The following PLXND1 variants were observed in gnomAD, a reference collection of about 807,000 sequenced individuals.
PLXND1 encodes plexin-D1.
In PLXND1, 54 loss-of-function variants were observed where a neutral mutation model predicts 197.7. That is an observed-to-expected ratio of 0.27 (90% CI 0.22 to 0.34). The LOEUF is 0.34. Among genes scored for constraint, PLXND1 ranks in the 10% least tolerant of loss-of-function variants. The pLI is 1.00. For missense variants in PLXND1, 2,127 were observed against 2,699.2 expected (o/e 0.79, Z 4.70); for synonymous variants, 1,180 against 1,161.2 (o/e 1.02, Z -0.33).
Position 129,561,905 on chromosome 3 carries a change from TGGG to T in PLXND1, c.4826-5_4826-3del. On this transcript the variant is annotated splice_region_variant and splice_polypyrimidine_tract_variant and intron_variant, in intron 27 of 35. Coordinates refer to ENST00000324093, the MANE Select transcript of PLXND1 (RefSeq NM_015103.3). ...TCTGTGTGCTGGAGGCGAACCACTC[TGGG>T]GGACAAGGGACAGGCCATCAGGGTC... 1.9e-6 allele frequency: 3 copies of T among 1,610,164 alleles called. No homozygotes were observed. The highest frequency in any genetic ancestry group is 2.5e-6 in the Non-Finnish European group (3 of 1,176,656).
rs1286676564 is a variant in PLXND1 at position 129,605,361 on chromosome 3, C to T, written c.1279G>A (p.Gly427Arg). 4.7e-6 allele frequency: 7 copies of T among 1,486,022 alleles called. No individual in the cohort carries two copies. The highest frequency in any genetic ancestry group is 2.9e-5 in the African/African-American group (2 of 68,350). 92.1% of individuals were successfully genotyped at this position (1,486,022 alleles called of 1,614,324 possible). The change falls in exon 1 of 36, where the codon GGA becomes AGA. Residue 427 changes from glycine (G) to arginine (R), a missense_variant. Transcript: ENST00000324093. The part of the protein sequence containing the change: ...AVLDSVVQGT[G>R]PACERKLNIQ... ...TTGAGCTTGCGCTCACAGGCCGGTC[C>T]CGTGCCCTGCACCACGCTGTCGAGC...
rs752314139 is a variant in PLXND1 at position 129,569,859 on chromosome 3, C to T, written c.3849G>A (p.Leu1283=). ...GCTCCTTACCCACCACGGAGAGCAGCAGCAGGACGCTGCAGATGACGATGG... is the reference window on the plus strand; with the variant it reads ...GCTCCTTACCCACCACGGAGAGCAGTAGCAGGACGCTGCAGATGACGATGG... ...IVSIVICSVL[L]LLSVVALFVF... The change falls in exon 20 of 36, where the codon CTG becomes CTA. Residue 1283 remains leucine, a synonymous_variant. Transcript: ENST00000324093. 1.1e-5 allele frequency: 18 copies of T among 1,603,574 alleles called. No individual in the cohort carries two copies. In the East Asian group the frequency reaches 3.8e-4, roughly 34 times the overall value.
Position 129,565,365 on chromosome 3 carries a change from G to T in PLXND1, c.4496C>A (p.Ser1499Tyr). Residue 1499 changes from serine (S) to tyrosine (Y), a missense_variant, in exon 25 of 36, where the codon TCC becomes TAC. Physicochemically the swap from Ser to Tyr is moderately radical, Grantham distance 144 (BLOSUM62 -2). Transcript: ENST00000324093. ...VVEKMLTNWM[S>Y]ICMYSCLRET... The stretch of plus-strand genomic sequence containing the variant: ...CCGCAGACAGCTGTACATGCAGATG[G>T]ACATCCAGTTGGTGAGCATCTTCTC... The T allele has an allele frequency of 6.2e-7, 1 of 1,613,886 alleles. No homozygotes were observed. The highest frequency in any genetic ancestry group is 1.1e-5 in the South Asian group (1 of 91,076).
chr3:129,605,394 C>T lies in PLXND1; in HGVS notation c.1246G>A (p.Val416Met). 6.7e-7 allele frequency: 1 copy of T among 1,501,032 alleles called. No individual in the cohort carries two copies. The highest frequency in any genetic ancestry group is 8.8e-7 in the Non-Finnish European group (1 of 1,132,950). 93.0% of individuals were successfully genotyped at this position (1,501,032 alleles called of 1,614,324 possible). A position where few individuals can be genotyped will look rare whatever the true frequency, so the allele number is the denominator to read the frequency against. The change falls in exon 1 of 36, where the codon GTG (valine) becomes ATG (methionine). Residue 416 changes from valine to methionine, a missense_variant. Val to Met is a conservative substitution (Grantham distance 21, BLOSUM62 1). Transcript: ENST00000324093. The stretch of plus-strand genomic sequence containing the variant: ...TGCACCACGCTGTCGAGCACCGCCA[C>T]CACGTCGGGCGCCGGTTCCACGAAG... ...ACFVEPAPDV[V>M]AVLDSVVQGT...
intron 5 of PLXND1, among the ~76,000 whole-genome samples, chr3:129,584,846 G>T (rs2085437486): frequency 6.6e-6 from 1 of 152,284 alleles, no homozygotes; most frequent in Middle Eastern, 3.4e-3. Context: ...CTCCGAAACA[G>T]CTGATCTTGT....
At chr3:129,602,382 T>A (rs1335853368) in intron 1 of PLXND1, among the ~76,000 whole-genome samples, 1 of 152,196 alleles carries the variant, frequency 6.6e-6, no homozygotes, top group Non-Finnish European at 1.5e-5. Flanking sequence ...CTGCTCCCTT[T>A]GCCTGGATGC....
At chr3:129,566,841 G>A (rs2085148644) in intron 22 of PLXND1, among the ~76,000 whole-genome samples, 1 of 152,242 alleles carries the variant, frequency 6.6e-6, no homozygotes, top group African/African-American at 2.4e-5. Flanking sequence ...CAAGACTTAA[G>A]GGGAAGCAAA....
rs989953716 is a variant in PLXND1, at chr3:129,562,774, C to T, written c.4825+13G>A. 8 of 1,585,900 alleles carry T rather than the reference C, an allele frequency of 5.0e-6. No individual in the cohort carries two copies. Among genetic ancestry groups the T allele is most frequent in the Admixed American group, 1.7e-5 (1 of 59,226 alleles). The stretch of plus-strand genomic sequence containing the variant: ...GCGCCTGACACGGGGTCTCTGCCCC[C>T]ATTCCCACCCACCAAGGTCGACGTC... On this transcript the variant is annotated intron_variant, in intron 27 of 35. Coordinates refer to ENST00000324093, the MANE Select transcript of PLXND1 (RefSeq NM_015103.3).
intron 15 of PLXND1, 52 bp downstream of exon 15, chr3:129,572,557 A>C (rs1287534488): frequency 2.1e-6 from 3 of 1,428,694 alleles, no homozygotes; most frequent in Non-Finnish European, 2.8e-6. Flanking sequence ...CCAGCCCCCA[A>C]GCCCATTGAT....
chr3:129,571,165 G>C lies in PLXND1; in HGVS notation c.3475C>G (p.Pro1159Ala). The C allele has an allele frequency of 6.2e-7, 1 of 1,614,168 alleles. No individual in the cohort carries two copies. The highest frequency in any genetic ancestry group is 8.5e-7 in the Non-Finnish European group (1 of 1,180,026). The change falls in exon 18 of 36, where the codon CCC becomes GCC. Residue 1159 changes from proline to alanine, a missense_variant. Physicochemically the swap from Pro to Ala is conservative, Grantham distance 27. Transcript: ENST00000324093. ...CTGCTGCCCCGCTGTGCCTCCTCGGGGTCCAGTAGCTCCTCAGCCACAGCC... is the reference window on the plus strand; with the variant it reads ...CTGCTGCCCCGCTGTGCCTCCTCGGCGTCCAGTAGCTCCTCAGCCACAGCC... The part of the protein sequence containing the change: ...EVAVAEELLD[P>A]EEAQRGSRFR...
At chr3:129,561,073 C>T (rs933977954) in intron 29 of PLXND1, 10 of 483,682 alleles carry the variant, frequency 2.1e-5, no homozygotes, top group Admixed American at 4.6e-5. Flanking sequence ...GGAGGGACAG[C>T]GGTGGAGAGA....
In PLXND1 at chr3:129,581,157, A is replaced by G. The variant is rs140348701; in HGVS notation, c.2241+2410T>C. ...GCTCCCGAGGGGCCACGTGGTGTGCAGATCCCGCTGCCTGCTGCCTGCTGT... is the reference window on the plus strand; with the variant it reads ...GCTCCCGAGGGGCCACGTGGTGTGCGGATCCCGCTGCCTGCTGCCTGCTGT... On this transcript the variant is annotated intron_variant, in intron 8 of 35. Coordinates refer to ENST00000324093, the MANE Select transcript of PLXND1 (RefSeq NM_015103.3). 2.7e-3 allele frequency among the ~76,000 whole-genome samples: 412 copies of G among 152,352 alleles called. 4 individuals are homozygous for G. Among genetic ancestry groups the G allele is most frequent in the African/African-American group, 9.3e-3 (385 of 41,578 alleles).
chr3:129,575,943 C>T (rs1333925782), intron 9 of PLXND1, 88 bp from the exon 10 acceptor site: 2 of 781,738 alleles, frequency 2.6e-6, no homozygotes, highest in East Asian at 5.3e-5. Context: ...ACCACGGGCT[C>T]CTGCTGGGAA....
chr3:129,561,838 C>T lies in PLXND1; in HGVS notation c.4891G>A (p.Asp1631Asn). 1 of 1,614,036 alleles carries T rather than the reference C, an allele frequency of 6.2e-7. No homozygotes were observed. The highest frequency in any genetic ancestry group is 1.1e-5 in the South Asian group (1 of 91,080). Residue 1631 changes from aspartate to asparagine, a missense_variant, in exon 28 of 36, where the codon GAC becomes AAC. Coordinates refer to ENST00000324093, the MANE Select transcript of PLXND1 (RefSeq NM_015103.3). The stretch of plus-strand genomic sequence containing the variant: ...AGCGTGTTAAGCTTCTTGCGGCCGT[C>T]TTCCACCACTGAGGTGTCGTCCAGG... ...RDLDDTSVVE[D>N]GRKKLNTLAH...
intron 19 of PLXND1, 80 bp from the exon 20 acceptor site, chr3:129,570,037 T>A: frequency 1.2e-6 from 1 of 811,964 alleles, no homozygotes; most frequent in South Asian, 1.4e-5. Context: ...TGTGTGGCCC[T>A]GGGTAAATTA....
Position 129,559,798 on chromosome 3 carries a change from G to A in PLXND1, c.5134-15C>T. 6.3e-7 allele frequency: 1 copy of A among 1,576,632 alleles called. No individual in the cohort carries two copies. The highest frequency in any genetic ancestry group is 8.6e-7 in the Non-Finnish European group (1 of 1,159,910). On this transcript the variant is annotated splice_polypyrimidine_tract_variant and intron_variant, in intron 31 of 35. Coordinates refer to ENST00000324093, the MANE Select transcript of PLXND1 (RefSeq NM_015103.3). The stretch of plus-strand genomic sequence containing the variant: ...TGCAACGTGCCCTGCGGGGGAGTGG[G>A]GTGGCCGCCGTCAGCCCCGGGCCAC...
Position 129,585,983 on chromosome 3 carries a change from G to C in PLXND1, c.1820C>G (p.Pro607Arg), listed in dbSNP as rs1383075698. The change falls in exon 5 of 36, where the codon CCT becomes CGT. Residue 607 changes from proline (P) to arginine (R), a missense_variant. Physicochemically the swap from Pro to Arg is moderately radical, Grantham distance 103 (BLOSUM62 -2). Coordinates refer to ENST00000324093, the MANE Select transcript of PLXND1 (RefSeq NM_015103.3). Reference sequence around the variant, plus strand: ...CTCCTGGCGCACATCGATCTCGGAAGGCAGGACGGTCATGGCAGGACAGCG... The same window carrying C: ...CTCCTGGCGCACATCGATCTCGGAACGCAGGACGGTCATGGCAGGACAGCG... ...PSRCPAMTVL[P>R]SEIDVRQEYP... The C allele has an allele frequency of 1.2e-6, 2 of 1,614,010 alleles. No homozygotes were observed. Among genetic ancestry groups the C allele is most frequent in the African/African-American group, 2.7e-5 (2 of 74,942 alleles).
chr3:129,586,181 A>G lies in PLXND1; in HGVS notation c.1712T>C (p.Leu571Pro), dbSNP rs1318387282. Residue 571 changes from leucine (L) to proline (P), a missense_variant, in exon 4 of 36, where the codon CTG (leucine) becomes CCG (proline). By Grantham distance (98) the Leu-to-Pro change is moderately conservative. Around this residue, in one of 6 missense-constraint regions of PLXND1, gnomAD observed 1,095 missense variants for 1,259.8 expected, o/e 0.87. Coordinates refer to ENST00000324093, the MANE Select transcript of PLXND1 (RefSeq NM_015103.3). ...TGGTGTCCAGCCTCACCGCGTCTCCAGGGCACACCAGCCGCAGTAGGCGTC... is the reference window on the plus strand; with the variant it reads ...TGGTGTCCAGCCTCACCGCGTCTCCGGGGCACACCAGCCGCAGTAGGCGTC... ...AADAYCGWCA[L>P]ETRCTLQQDC... 2.5e-6 allele frequency: 4 copies of G among 1,606,178 alleles called. No individual in the cohort carries two copies. Among genetic ancestry groups the G allele is most frequent in the Non-Finnish European group, 3.4e-6 (4 of 1,178,490 alleles).
In PLXND1 at chr3:129,606,315, G is replaced by A. The variant is rs1466603510; in HGVS notation, c.325C>T (p.Leu109=). Residue 109 remains leucine, a synonymous_variant, in exon 1 of 36, where the codon CTG becomes TTG. Coordinates refer to ENST00000324093, the MANE Select transcript of PLXND1 (RefSeq NM_015103.3). ...PDSPLCHAPQ[L]PQASCEHPRR... ...GGGTGCTCGCACGAGGCCTGCGGCA[G>A]CTGCGGAGCGTGACACAGCGGGCTG... 2 of 1,512,410 alleles carry A rather than the reference G, an allele frequency of 1.3e-6. No individual in the cohort carries two copies. Among genetic ancestry groups the A allele is most frequent in the Admixed American group, 2.2e-5 (1 of 45,726 alleles). 93.7% of individuals were successfully genotyped at this position (1,512,410 alleles called of 1,614,324 possible).
Sources: gnomAD v4.1 joint callset for allele counts (sites outside exome capture counted in the v4.1 genomes callset) on GRCh38, gnomAD v4.1.1 for gene constraint, gnomAD v4.1.1 regional missense constraint, MANE v1.5 for transcripts, NCBI Gene and HGNC (gene_info 2026-07-23, HGNC 2026-07-21) for gene names.